The following NXNL2 variants were observed in gnomAD, a reference collection of about 807,000 sequenced individuals.
NXNL2 encodes the protein nucleoredoxin-like protein 2.
In NXNL2, 7 loss-of-function variants were observed where a neutral mutation model predicts 11.1. The observed-to-expected ratio is 0.63, with a 90% CI of 0.36 to 1.18. NXNL2 has a LOEUF of 1.18. Ranked by LOEUF, NXNL2 falls within the 50% of genes most tolerant of loss-of-function variation. NXNL2 has a pLI of 0.02. For missense variants in NXNL2, 233 were observed against 217.7 expected, an observed-to-expected ratio of 1.07 and a Z score of -0.44; for synonymous variants, 109 against 101.8, an observed-to-expected ratio of 1.07 and a Z score of -0.42.
chr9:88,543,358 C>T (rs150228963), intron 1 of NXNL2, among the ~76,000 whole-genome samples: 2,447 of 152,058 alleles, frequency 0.016, 50 homozygotes, highest in African/African-American at 0.055. Context: ...CCTCGACCTC[C>T]TGGGCTCAAG....
chr9:88,551,837 G>C (rs764215192), intron 1 of NXNL2, among the ~76,000 whole-genome samples: 1 of 152,236 alleles, frequency 6.6e-6, no homozygotes, highest in African/African-American at 2.4e-5. Flanking sequence ...GAGGAGGGAT[G>C]AAAGGCTCAG....
At chr9:88,576,339 T>C (rs1010653227), downstream of NXNL2, among the ~76,000 whole-genome samples, 1 of 152,238 alleles carries the variant, frequency 6.6e-6, no homozygotes, top group Admixed American at 6.5e-5. Flanking sequence ...TATACCTGGT[T>C]CAACAGGTGG....
At chr9:88,576,826 A>G (rs1446442486), downstream of NXNL2, among the ~76,000 whole-genome samples, 4 of 152,114 alleles carry the variant, frequency 2.6e-5, no homozygotes, top group African/African-American at 7.2e-5. Flanking sequence ...GAGCCTGAGC[A>G]CCAGACACAG....
intron 1 of NXNL2, among the ~76,000 whole-genome samples, chr9:88,538,063 C>G (rs1406498649): frequency 6.6e-6 from 1 of 152,194 alleles, no homozygotes; most frequent in Non-Finnish European, 1.5e-5. Context: ...TGACAACATT[C>G]TCTCCTCCAA....
At chr9:88,577,996 C>T (rs919935788), downstream of NXNL2, among the ~76,000 whole-genome samples, 2 of 152,212 alleles carry the variant, frequency 1.3e-5, no homozygotes, top group Non-Finnish European at 2.9e-5. Context: ...CACTCTGTGT[C>T]CAGTGTCTTC....
chr9:88,563,172 G>A (rs1416215801), intron 1 of NXNL2, among the ~76,000 whole-genome samples: 2 of 152,212 alleles, frequency 1.3e-5, no homozygotes, highest in Admixed American at 1.3e-4. Flanking sequence ...AGACCGACTT[G>A]ATTCCTGTTT....
At chr9:88,549,446 A>G (rs2118450044), downstream of NXNL2, among the ~76,000 whole-genome samples, 1 of 152,346 alleles carries the variant, frequency 6.6e-6, no homozygotes, top group Admixed American at 6.5e-5. Flanking sequence ...AACTCTTTGA[A>G]GCCTCCTGAG....
At chr9:88,583,440 G>A (rs768880115) in intron 1 of NXNL2, among the ~76,000 whole-genome samples, 1 of 152,174 alleles carries the variant, frequency 6.6e-6, no homozygotes, top group Non-Finnish European at 1.5e-5. Flanking sequence ...GACGCTGCAT[G>A]GTAATCTGGC....
chr9:88,576,653 C>T (rs2118550663), downstream of NXNL2, among the ~76,000 whole-genome samples: 1 of 152,286 alleles, frequency 6.6e-6, no homozygotes, highest in South Asian at 2.1e-4. Flanking sequence ...GCCCACAAGC[C>T]TAGAAGGACA....
intron 1 of NXNL2, among the ~76,000 whole-genome samples, chr9:88,556,187 G>A (rs1004033729): frequency 2.0e-5 from 3 of 152,122 alleles, no homozygotes; most frequent in Non-Finnish European, 2.9e-5. Flanking sequence ...GTGCATCACC[G>A]CCTGCAACTT....
downstream of NXNL2, among the ~76,000 whole-genome samples, chr9:88,584,492 A>C (rs189767733): frequency 2.6e-5 from 4 of 152,304 alleles, no homozygotes; most frequent in African/African-American, 9.6e-5. Flanking sequence ...TGAGAAATAA[A>C]TGTCTGTTGT....
chr9:88,564,639 C>T (rs1830141202), intron 1 of NXNL2, among the ~76,000 whole-genome samples: 1 of 152,106 alleles, frequency 6.6e-6, no homozygotes. Flanking sequence ...TGGTCTTGAA[C>T]TCCCGACCTC....
At chr9:88,540,653 T>C (rs1829735461) in intron 1 of NXNL2, among the ~76,000 whole-genome samples, 1 of 152,154 alleles carries the variant, frequency 6.6e-6, no homozygotes, top group Non-Finnish European at 1.5e-5. Flanking sequence ...TAGAGAATAG[T>C]TTACATTTTT....
In NXNL2 at chr9:88,544,528, T is replaced by C; in HGVS notation, c.452T>C (p.Phe151Ser). The change falls in exon 2 of 2, where the codon TTC (phenylalanine) becomes TCC (serine). Residue 151 changes from phenylalanine (F) to serine (S), a missense_variant. Coordinates refer to ENST00000375854, the MANE Select transcript of NXNL2 (RefSeq NM_001161625.2). ...FQDWVEAADIFQNFSV is the reference protein window; with the variant it reads ...FQDWVEAADISQNFSV The stretch of plus-strand genomic sequence containing the variant: ...GACTGGGTGGAGGCGGCCGATATCT[T>C]CCAGAATTTCTCCGTTTGAAGTGGG... 1 of 1,541,244 alleles carries C rather than the reference T, an allele frequency of 6.5e-7. No homozygotes were observed. The highest frequency in any genetic ancestry group is 8.8e-7 in the Non-Finnish European group (1 of 1,141,532).
chr9:88,560,927 A>G (rs79235315), intron 1 of NXNL2, among the ~76,000 whole-genome samples: 2,116 of 152,234 alleles, frequency 0.014, 47 homozygotes, highest in African/African-American at 0.047. Flanking sequence ...GGAAAGAAAA[A>G]CACAAGATGA....
chr9:88,545,610 T>C (rs535751255), downstream of NXNL2, among the ~76,000 whole-genome samples: 1 of 152,194 alleles, frequency 6.6e-6, no homozygotes, highest in African/African-American at 2.4e-5. Context: ...TCAGTTAACT[T>C]CCCTGACCAC....
At chr9:88,544,341 G>A (rs867172593) in intron 1 of NXNL2, 38 bp from the exon 2 acceptor site, 8 of 1,517,664 alleles carry the variant, frequency 5.3e-6, no homozygotes, top group Middle Eastern at 1.7e-4. Flanking sequence ...ATGTGCATGT[G>A]GGAGTGCTAA....
chr9:88,575,224 G>A, exon 3 of NXNL2: 1 of 919,982 alleles, frequency 1.1e-6, no homozygotes, highest in Non-Finnish European at 1.3e-6. Context: ...GTGACCATGT[G>A]ACTCAGCAAT....
chr9:88,561,615 AG>A (rs1830086711), intron 1 of NXNL2, among the ~76,000 whole-genome samples: 1 of 151,836 alleles, frequency 6.6e-6, no homozygotes, highest in East Asian at 1.9e-4. Context: ...ATGCTGGAGG[AG>A]GGGGAAAGGT....
Sources: gnomAD v4.1 joint callset for allele counts (sites outside exome capture counted in the v4.1 genomes callset) on GRCh38, gnomAD v4.1.1 for gene constraint, MANE v1.5 for transcripts, NCBI Gene and HGNC (gene_info 2026-07-23, HGNC 2026-07-21) for gene names.